Variants in PDE4D observed in about 807,000 individuals in gnomAD.
PDE4D encodes the protein 3',5'-cyclic-AMP phosphodiesterase 4D.
In PDE4D, 24 loss-of-function variants were observed where a neutral mutation model predicts 87.4. The ratio of observed to expected loss-of-function variants is 0.27; its 90% CI spans 0.20 to 0.39. The LOEUF (loss-of-function observed/expected upper bound fraction) is 0.39. PDE4D is among the 10% of genes least tolerant of loss of function. The pLI is 1.00. For synonymous variants in PDE4D, 384 were observed against 383.2 expected, an observed-to-expected ratio of 1.00 and a Z score of -0.02; for missense variants, 714 against 1,041.0, an observed-to-expected ratio of 0.69 and a Z score of 4.32.
At chr5:59,094,892 T>G (rs1208720324) in intron 5 of PDE4D, among the ~76,000 whole-genome samples, 1 of 152,118 alleles carries the variant, frequency 6.6e-6, no homozygotes, top group Non-Finnish European at 1.5e-5. Flanking sequence ...TTCTTGTCAT[T>G]CTTCTGAGAC....
At chr5:59,292,253 T>C (rs1309267734) in intron 1 of PDE4D, among the ~76,000 whole-genome samples, 2 of 152,166 alleles carry the variant, frequency 1.3e-5, no homozygotes, top group Non-Finnish European at 2.9e-5. Flanking sequence ...AGTTAACCTT[T>C]TTCTTGTTAT....
chr5:60,035,844 A>T (rs1767736869), intron 2 of PDE4D, among the ~76,000 whole-genome samples: 1 of 152,192 alleles, frequency 6.6e-6, no homozygotes, highest in Non-Finnish European at 1.5e-5. Flanking sequence ...ACTCAATACC[A>T]AGCTGGGGTC....
chr5:59,369,891 C>G (rs1783684037), intron 1 of PDE4D, among the ~76,000 whole-genome samples: 1 of 152,102 alleles, frequency 6.6e-6, no homozygotes, highest in African/African-American at 2.4e-5. Flanking sequence ...CAAACAGAAC[C>G]ACCCCACCAC....
intron 1 of PDE4D, among the ~76,000 whole-genome samples, chr5:59,776,829 T>C: frequency 6.6e-6 from 1 of 151,804 alleles, no homozygotes. Flanking sequence ...TCACCGAAGA[T>C]GAGTTTTGCC....
intron 1 of PDE4D, among the ~76,000 whole-genome samples, chr5:59,731,485 C>T (rs1170275815): frequency 6.6e-6 from 1 of 152,110 alleles, no homozygotes; most frequent in African/African-American, 2.4e-5. Context: ...TCCTGATATC[C>T]TTTTCCACAA....
At chr5:60,054,288 C>T (rs372611495) in intron 2 of PDE4D, among the ~76,000 whole-genome samples, 7 of 152,070 alleles carry the variant, frequency 4.6e-5, no homozygotes, top group Non-Finnish European at 7.4e-5. Context: ...CCAACCCAAA[C>T]GCCCATCAAC....
intron 1 of PDE4D, among the ~76,000 whole-genome samples, chr5:59,575,055 T>G (rs1822900590): frequency 1.3e-5 from 2 of 152,140 alleles, no homozygotes; most frequent in African/African-American, 4.8e-5. Flanking sequence ...TTAATAAAAA[T>G]TATCATTTCT....
At chr5:60,274,276 G>A (rs748550295) in intron 1 of PDE4D, among the ~76,000 whole-genome samples, 3 of 152,176 alleles carry the variant, frequency 2.0e-5, no homozygotes, top group Non-Finnish European at 2.9e-5. Context: ...CAACTAAGGA[G>A]CCACTTAAAA....
intron 1 of PDE4D, among the ~76,000 whole-genome samples, chr5:60,461,114 G>A (rs549502182): frequency 6.6e-6 from 1 of 152,070 alleles, no homozygotes; most frequent in African/African-American, 2.4e-5. Flanking sequence ...ATATTAGAAG[G>A]AGAATGAGTG....
intron 1 of PDE4D, among the ~76,000 whole-genome samples, chr5:59,444,744 G>C (rs1480913121): frequency 6.6e-6 from 1 of 152,028 alleles, no homozygotes; most frequent in African/African-American, 2.4e-5. Context: ...CCTGGGAGGC[G>C]GAGCTTGCAG....
At chr5:59,358,412 C>T (rs1411869530) in intron 1 of PDE4D, among the ~76,000 whole-genome samples, 2 of 152,144 alleles carry the variant, frequency 1.3e-5, no homozygotes, top group Non-Finnish European at 2.9e-5. Context: ...ATCCAAATTT[C>T]GCATGAGCAA....
intron 1 of PDE4D, among the ~76,000 whole-genome samples, chr5:59,655,962 A>C (rs1744284579): frequency 6.6e-6 from 1 of 152,116 alleles, no homozygotes; most frequent in African/African-American, 2.4e-5. Flanking sequence ...GGCTATGTTC[A>C]TTTGTCCAGT....
chr5:59,738,439 TG>T (rs530778701), intron 1 of PDE4D, among the ~76,000 whole-genome samples: 1 of 151,798 alleles, frequency 6.6e-6, no homozygotes, highest in African/African-American at 2.4e-5. Flanking sequence ...AATGCAATCA[TG>T]GGGGGGAAGG....
At chr5:60,047,716 C>T (rs1209827369) in intron 2 of PDE4D, among the ~76,000 whole-genome samples, 1 of 152,134 alleles carries the variant, frequency 6.6e-6, no homozygotes, top group East Asian at 1.9e-4. Flanking sequence ...AGTTTGATTG[C>T]ACTGTGGTCT....
At chr5:60,404,749 T>C (rs1741398665) in intron 1 of PDE4D, among the ~76,000 whole-genome samples, 1 of 152,198 alleles carries the variant, frequency 6.6e-6, no homozygotes, top group South Asian at 2.1e-4. Flanking sequence ...TAACATGACA[T>C]CATAATTTCT....
intron 5 of PDE4D, among the ~76,000 whole-genome samples, chr5:59,148,407 A>G (rs563907456): frequency 6.6e-6 from 1 of 152,270 alleles, no homozygotes; most frequent in South Asian, 2.1e-4. Context: ...CTCCTTCTCT[A>G]AGCTTCAGTG....
chr5:59,798,254 C>CTGTGTGTGTG (rs72009917), intron 1 of PDE4D, among the ~76,000 whole-genome samples: 55 of 143,942 alleles, frequency 3.8e-4, no homozygotes, highest in Non-Finnish European at 5.5e-4. Context: ...ATATAAATGC[C>CTGTGTGTGTG]TGTGTGTGTG....
At chr5:59,517,966 A>G (rs1371372240) in intron 1 of PDE4D, among the ~76,000 whole-genome samples, 1 of 152,206 alleles carries the variant, frequency 6.6e-6, no homozygotes, top group Non-Finnish European at 1.5e-5. Context: ...AAATATCTAA[A>G]TTTATTAGTT....
At chr5:59,515,921 T>C (rs1811073142) in intron 1 of PDE4D, among the ~76,000 whole-genome samples, 1 of 152,162 alleles carries the variant, frequency 6.6e-6, no homozygotes, top group African/African-American at 2.4e-5. Context: ...AAATAACTAG[T>C]TAGCCATATG....
Sources: allele counts gnomAD v4.1 joint callset (sites outside exome capture counted in the v4.1 genomes callset), GRCh38; gene constraint gnomAD v4.1.1; transcripts MANE v1.5; gene names NCBI Gene and HGNC (gene_info 2026-07-23, HGNC 2026-07-21).